Variants in QKI observed in about 807,000 individuals in gnomAD.
QKI encodes the protein KH domain-containing RNA-binding protein QKI.
A neutral mutation model predicts 39.0 loss-of-function variants in QKI; 10 were observed. The ratio of observed to expected loss-of-function variants is 0.26; its 90% confidence interval spans 0.16 to 0.43. The LOEUF (loss-of-function observed/expected upper bound fraction) is 0.43. Ranked by LOEUF, QKI falls within the 20% of genes least tolerant of loss-of-function variation. QKI has a pLI of 1.00. For missense variants in QKI, 218 were observed against 428.0 expected (o/e 0.51, Z 4.33); for synonymous variants, 204 against 155.4 (o/e 1.31, Z -2.33).
intron 3 of QKI, among the ~76,000 whole-genome samples, chr6:163,489,514 A>G (rs979136868): frequency 6.6e-6 from 1 of 150,420 alleles, no homozygotes; most frequent in African/African-American, 2.5e-5. Flanking sequence ...TTTCCCAACT[A>G]TTGTTTGTAG....
At chr6:163,450,994 C>T (rs1790520742) in intron 1 of QKI, among the ~76,000 whole-genome samples, 1 of 152,124 alleles carries the variant, frequency 6.6e-6, no homozygotes, top group African/African-American at 2.4e-5. Flanking sequence ...AATCTGTGCT[C>T]TATAAAATTA....
At position 163,575,574 on chromosome 6, in the gene QKI, A is replaced by G. The variant is rs2128254441; in HGVS notation, c.*4864A>G. The G allele has an allele frequency of 6.6e-6, 1 of 152,322 alleles. No individual in the cohort carries two copies. Among genetic ancestry groups the G allele is most frequent in the East Asian group, 1.9e-4 (1 of 5,182 alleles). 9.4% of individuals were successfully genotyped at this position (152,322 alleles called of 1,614,324 possible). On this transcript the variant is annotated 3_prime_UTR_variant, in exon 8 of 8. Coordinates refer to ENST00000361752, the MANE Select transcript of QKI (RefSeq NM_006775.3). Reference sequence around the variant, plus strand: ...TAGGCAAAATGTCAGGGAAAACTTAACATGAAAGTAGTTACTCCCATACGC... The same window carrying G: ...TAGGCAAAATGTCAGGGAAAACTTAGCATGAAAGTAGTTACTCCCATACGC...
chr6:163,429,734 C>CAG (rs1318257439), intron 1 of QKI, among the ~76,000 whole-genome samples: 1 of 152,122 alleles, frequency 6.6e-6, no homozygotes, highest in Admixed American at 6.6e-5. Flanking sequence ...CGAATAATGT[C>CAG]AGAGTTGCAT....
Position 163,561,971 on chromosome 6 carries a change from T to A in QKI, c.547-11T>A. ...TCAAATGCTTTCATCTCATGTGTTT[T>A]CCATGTATAGGCAGAAGGAGAAGAC... On this transcript the variant is annotated splice_polypyrimidine_tract_variant and intron_variant, in intron 4 of 7. Transcript: ENST00000361752. 1 of 1,608,916 alleles carries A rather than the reference T, an allele frequency of 6.2e-7. No individual in the cohort carries two copies. The highest frequency in any genetic ancestry group is 8.5e-7 in the Non-Finnish European group (1 of 1,177,580).
At chr6:163,517,471 G>T (rs558703949) in intron 3 of QKI, among the ~76,000 whole-genome samples, 3 of 151,998 alleles carry the variant, frequency 2.0e-5, no homozygotes, top group Admixed American at 1.3e-4. Context: ...AGGCTGGAGT[G>T]CAGTGGCTTA....
At chr6:163,556,773 T>C (rs1392958466) in intron 4 of QKI, among the ~76,000 whole-genome samples, 1 of 152,140 alleles carries the variant, frequency 6.6e-6, no homozygotes, top group Non-Finnish European at 1.5e-5. Flanking sequence ...GTATTATCTT[T>C]CTATAAATCT....
chr6:163,463,412 C>T (rs1429546141), intron 2 of QKI, among the ~76,000 whole-genome samples: 1 of 152,140 alleles, frequency 6.6e-6, no homozygotes, highest in Non-Finnish European at 1.5e-5. Context: ...GAAGTTGGCT[C>T]ATACTTGAAC....
chr6:163,511,823 ACTT>A (rs1299263486), intron 3 of QKI, among the ~76,000 whole-genome samples: 4 of 152,106 alleles, frequency 2.6e-5, no homozygotes, highest in South Asian at 2.1e-4. Flanking sequence ...AAATGAGAAT[ACTT>A]CTTAACTCAT....
intron 2 of QKI, among the ~76,000 whole-genome samples, chr6:163,472,110 C>T (rs925338626): frequency 2.6e-5 from 4 of 152,056 alleles, no homozygotes; most frequent in Non-Finnish European, 2.9e-5. Context: ...TACCTCCAAA[C>T]GTAACTACTG....
At chr6:163,420,768 T>C (rs1475632018) in intron 1 of QKI, among the ~76,000 whole-genome samples, 1 of 152,240 alleles carries the variant, frequency 6.6e-6, no homozygotes, top group African/African-American at 2.4e-5. Context: ...TATTTTTTAC[T>C]TAACAGAAAA....
At chr6:163,472,704 G>A (rs1792292662) in intron 2 of QKI, among the ~76,000 whole-genome samples, 1 of 152,136 alleles carries the variant, frequency 6.6e-6, no homozygotes, top group African/African-American at 2.4e-5. Flanking sequence ...TACACTGTAG[G>A]AAGCTAAAAA....
intron 3 of QKI, among the ~76,000 whole-genome samples, chr6:163,532,343 G>C (rs1322732415): frequency 6.6e-6 from 1 of 152,118 alleles, no homozygotes; most frequent in Non-Finnish European, 1.5e-5. Flanking sequence ...TTCTAGATTG[G>C]TTTGAGTGAA....
intron 2 of QKI, among the ~76,000 whole-genome samples, chr6:163,467,306 T>C (rs1355426807): frequency 2.0e-5 from 3 of 152,162 alleles, no homozygotes; most frequent in Non-Finnish European, 4.4e-5. Flanking sequence ...TATATCTCAG[T>C]AAAGCTGGAG....
chr6:163,556,519 A>AC (rs1782629740), intron 4 of QKI, among the ~76,000 whole-genome samples: 1 of 151,300 alleles, frequency 6.6e-6, no homozygotes, highest in African/African-American at 2.4e-5. Flanking sequence ...AAAAAAAAAA[A>AC]AAAAACAACA....
chr6:163,477,901 A>T (rs796507042), intron 2 of QKI, among the ~76,000 whole-genome samples: 5 of 152,364 alleles, frequency 3.3e-5, no homozygotes, highest in African/African-American at 1.2e-4. Context: ...GCAAGAAAAA[A>T]GTAGAAGACC....
At chr6:163,557,192 A>T (rs1288065410) in intron 4 of QKI, among the ~76,000 whole-genome samples, 1 of 152,232 alleles carries the variant, frequency 6.6e-6, no homozygotes, top group Non-Finnish European at 1.5e-5. Flanking sequence ...TGTCATACTG[A>T]GGGAAAGAAA....
intron 3 of QKI, among the ~76,000 whole-genome samples, chr6:163,510,077 G>A (rs1244262334): frequency 6.6e-6 from 1 of 152,016 alleles, no homozygotes; most frequent in Non-Finnish European, 1.5e-5. Context: ...TTAGCTGGAT[G>A]TGGTGATGCG....
intron 4 of QKI, among the ~76,000 whole-genome samples, chr6:163,560,434 A>C (rs931907045): frequency 1.3e-5 from 2 of 152,288 alleles, no homozygotes; most frequent in East Asian, 1.9e-4. Context: ...GTGAGGATCT[A>C]CTGTAATCTA....
intron 3 of QKI, among the ~76,000 whole-genome samples, chr6:163,508,382 T>C (rs527494224): frequency 6.6e-6 from 1 of 151,964 alleles, no homozygotes; most frequent in East Asian, 1.9e-4. Context: ...GAACCAATCA[T>C]GAAAGCAGCA....
Sources: allele counts gnomAD v4.1 joint callset (sites outside exome capture counted in the v4.1 genomes callset), GRCh38; gene constraint gnomAD v4.1.1; transcripts MANE v1.5; gene names NCBI Gene and HGNC (gene_info 2026-07-23, HGNC 2026-07-21).